The following RBMS3 variants were observed in gnomAD, a reference collection of about 807,000 sequenced individuals.
The protein encoded by RBMS3 is RNA-binding motif, single-stranded-interacting protein 3.
In RBMS3, 27 loss-of-function variants were observed where a neutral mutation model predicts 66.8. The ratio of observed to expected loss-of-function variants is 0.40; its 90% CI spans 0.30 to 0.56. The LOEUF (loss-of-function observed/expected upper bound fraction) is 0.56, where lower values mean the gene tolerates loss of function less well. Ranked by LOEUF, RBMS3 falls within the 20% of genes least tolerant of loss-of-function variation. RBMS3 has a pLI of 0.40. For synonymous variants in RBMS3, 188 were observed against 183.0 expected, an observed-to-expected ratio of 1.03 and a Z score of -0.22; for missense variants, 513 against 549.5, an observed-to-expected ratio of 0.93 and a Z score of 0.66.
chr3:29,476,848 C>G (rs115656032), intron 2 of RBMS3, among the ~76,000 whole-genome samples: 92 of 152,200 alleles, frequency 6.0e-4, no homozygotes, highest in African/African-American at 2.1e-3. Flanking sequence ...TTAAATGAAG[C>G]ATGCATTCTT....
intron 6 of RBMS3, among the ~76,000 whole-genome samples, chr3:29,864,835 A>G (rs74717004): frequency 0.016 from 2,175 of 137,964 alleles, 60 homozygotes; most frequent in East Asian, 0.079. Context: ...AGGGAAGGGA[A>G]GGGAAGGGAA....
chr3:29,317,318 A>C (rs1028067330), intron 1 of RBMS3, among the ~76,000 whole-genome samples: 3 of 151,804 alleles, frequency 2.0e-5, no homozygotes, highest in Non-Finnish European at 2.9e-5. Context: ...TATTTTTTCT[A>C]TGTCCAGATA....
chr3:29,970,032 A>G (rs554559214), intron 12 of RBMS3, among the ~76,000 whole-genome samples: 5 of 152,322 alleles, frequency 3.3e-5, no homozygotes, highest in Admixed American at 6.5e-5. Context: ...ATAAGTGTGT[A>G]TGAAATTCAT....
intron 4 of RBMS3, among the ~76,000 whole-genome samples, chr3:29,699,436 C>T (rs1277381631): frequency 2.0e-5 from 3 of 152,094 alleles, no homozygotes; most frequent in East Asian, 1.9e-4. Context: ...CGTGAGCCAC[C>T]GTGCCTGTCC....
intron 10 of RBMS3, chr3:29,903,091 T>A (rs2149613905): frequency 6.6e-6 from 1 of 152,120 alleles, no homozygotes; most frequent in South Asian, 2.1e-4. Context: ...TTTGTTTCTT[T>A]GTACATTTAA....
intron 7 of RBMS3, among the ~76,000 whole-genome samples, chr3:29,879,361 AT>A (rs2059684835): frequency 6.6e-6 from 1 of 152,132 alleles, no homozygotes; most frequent in African/African-American, 2.4e-5. Flanking sequence ...ATAATTTTTA[AT>A]TAACTTATTT....
chr3:29,651,705 T>C (rs1441298613), intron 4 of RBMS3, among the ~76,000 whole-genome samples: 2 of 152,122 alleles, frequency 1.3e-5, no homozygotes, highest in Non-Finnish European at 2.9e-5. Context: ...TATCCATCAG[T>C]AGTACTTCAG....
intron 6 of RBMS3, among the ~76,000 whole-genome samples, chr3:29,806,688 T>C (rs1207785059): frequency 6.6e-6 from 1 of 151,978 alleles, no homozygotes; most frequent in African/African-American, 2.4e-5. Flanking sequence ...GCCTATTATA[T>C]CATGGCTCAT....
At chr3:29,512,504 C>A (rs934452470) in intron 3 of RBMS3, among the ~76,000 whole-genome samples, 1 of 152,080 alleles carries the variant, frequency 6.6e-6, no homozygotes, top group African/African-American at 2.4e-5. Context: ...AGTCTTAAAA[C>A]TTTAAGATTT....
At chr3:29,773,979 TAC>T (rs1181582565) in intron 6 of RBMS3, among the ~76,000 whole-genome samples, 1 of 152,052 alleles carries the variant, frequency 6.6e-6, no homozygotes, top group Non-Finnish European at 1.5e-5. Context: ...TCCCTGAAAA[TAC>T]TTCCTAAGAA....
At chr3:29,457,603 TC>T (rs1189510217) in intron 2 of RBMS3, among the ~76,000 whole-genome samples, 2 of 152,106 alleles carry the variant, frequency 1.3e-5, no homozygotes, top group Admixed American at 6.6e-5. Flanking sequence ...ATGCTTGTAG[TC>T]CCTGCTACTC....
At chr3:29,392,538 A>G (rs750338527) in intron 1 of RBMS3, among the ~76,000 whole-genome samples, 3 of 152,200 alleles carry the variant, frequency 2.0e-5, no homozygotes, top group Non-Finnish European at 4.4e-5. Context: ...TTAATGAAAT[A>G]TAATTTAACC....
chr3:29,534,823 G>A (rs2045492360), intron 3 of RBMS3, among the ~76,000 whole-genome samples: 1 of 152,134 alleles, frequency 6.6e-6, no homozygotes, highest in African/African-American at 2.4e-5. Context: ...CGTGTCATAT[G>A]TCATCATGCA....
chr3:29,542,904 A>G (rs1249815899), intron 3 of RBMS3, among the ~76,000 whole-genome samples: 2 of 152,244 alleles, frequency 1.3e-5, no homozygotes, highest in Non-Finnish European at 2.9e-5. Flanking sequence ...CATCCTTGGC[A>G]AAGGTAAAAT....
At chr3:29,478,655 A>G (rs1259587924) in intron 2 of RBMS3, among the ~76,000 whole-genome samples, 1 of 152,220 alleles carries the variant, frequency 6.6e-6, no homozygotes, top group Non-Finnish European at 1.5e-5. Context: ...TGCAGATTTA[A>G]TGGAGTTTTC....
chr3:29,813,724 T>G (rs1576883496), intron 6 of RBMS3, among the ~76,000 whole-genome samples: 1 of 152,296 alleles, frequency 6.6e-6, no homozygotes, highest in East Asian at 1.9e-4. Context: ...TCCTAGGTAT[T>G]TTACTCTCTT....
At chr3:29,960,075 C>G (rs1344350677) in intron 12 of RBMS3, among the ~76,000 whole-genome samples, 2 of 152,174 alleles carry the variant, frequency 1.3e-5, no homozygotes, top group African/African-American at 4.8e-5. Flanking sequence ...AAGTCCAAAT[C>G]CAAAGTCTCA....
chr3:29,463,345 C>G lies in RBMS3; in HGVS notation c.249-25096C>G, dbSNP rs553658378. Among the ~76,000 whole-genome samples the G allele has an allele frequency of 7.2e-5, 11 of 152,130 alleles. No individual in the cohort carries two copies. In the South Asian group the frequency reaches 2.3e-3, roughly 32 times the overall value. ...ACAGCCCTACCCTAATGGGAAATAC[C>G]ATTCAAACATTTGGTTTAACTATGT... On this transcript the variant is annotated intron_variant, in intron 2 of 14. Transcript: ENST00000383767.
chr3:29,491,897 G>T (rs553292555), intron 3 of RBMS3, among the ~76,000 whole-genome samples: 1 of 152,138 alleles, frequency 6.6e-6, no homozygotes, highest in Non-Finnish European at 1.5e-5. Flanking sequence ...GGAGGCTGAG[G>T]CAGGAGAATG....
Sources: allele counts gnomAD v4.1 joint callset (sites outside exome capture counted in the v4.1 genomes callset), GRCh38; gene constraint gnomAD v4.1.1; transcripts MANE v1.5; gene names NCBI Gene and HGNC (gene_info 2026-07-23, HGNC 2026-07-21).